Variants in CFAP47 observed in about 807,000 individuals in gnomAD.
The protein encoded by CFAP47 is cilia and flagella associated protein 47, also known as cilia- and flagella-associated protein 47.
CFAP47 carries 29 observed loss-of-function variants against 148.1 expected under a neutral mutation model. The ratio of observed to expected loss-of-function variants is 0.20; its 90% CI spans 0.15 to 0.27. The LOEUF is 0.27. CFAP47 is among the 10% of genes least tolerant of loss of function. CFAP47 has a pLI of 1.00. For synonymous variants in CFAP47, 664 were observed against 577.3 expected, an observed-to-expected ratio of 1.15 and a Z score of -2.15; for missense variants, 1,872 against 1,697.5, an observed-to-expected ratio of 1.10 and a Z score of -1.81.
intron 22 of CFAP47, among the ~76,000 whole-genome samples, chrX:36,016,321 C>G (rs1050545541): frequency 1.4e-4 from 15 of 110,619 alleles, no homozygotes; most frequent in Non-Finnish European, 1.9e-5. Context: ...CCTTCACAGC[C>G]TGTAGTAACC....
chrX:35,992,560 T>C (rs1936801944), intron 17 of CFAP47, among the ~76,000 whole-genome samples: 1 of 111,663 alleles, frequency 9.0e-6, no homozygotes. Context: ...ACTCTGCTTC[T>C]TTAGAATTAA....
intron 26 of CFAP47, among the ~76,000 whole-genome samples, chrX:36,063,817 C>T (rs922532302): frequency 5.4e-5 from 6 of 111,810 alleles, no homozygotes; most frequent in African/African-American, 2.0e-4. Flanking sequence ...GAATTGATCA[C>T]TCCAAATAAA....
chrX:36,306,186 G>A (rs949574115), intron 54 of CFAP47, among the ~76,000 whole-genome samples: 1 of 111,288 alleles, frequency 9.0e-6, no homozygotes, highest in African/African-American at 3.3e-5. Flanking sequence ...ATATACTCAA[G>A]CCCTTATTAT....
intron 28 of CFAP47, 41 bp from the exon 29 acceptor site, chrX:36,073,098 C>T (rs766272824): frequency 1.1e-5 from 11 of 973,621 alleles, no homozygotes; most frequent in East Asian, 3.1e-5. Flanking sequence ...TTTTACTCCT[C>T]GTCAAGTAGC....
At chrX:36,350,171 A>G in intron 59 of CFAP47, 39 bp downstream of exon 59, 8 of 856,904 alleles carry the variant, frequency 9.3e-6, no homozygotes, top group Non-Finnish European at 1.3e-5. Flanking sequence ...CAGAATTCTT[A>G]GAGACCTTAG....
At chrX:36,051,496 A>AC (rs1937520064) in intron 26 of CFAP47, among the ~76,000 whole-genome samples, 1 of 111,364 alleles carries the variant, frequency 9.0e-6, no homozygotes, top group African/African-American at 3.3e-5. Flanking sequence ...TGGATTTTGG[A>AC]CTTGCATGAG....
At chrX:35,940,889 A>G (rs145887321) in intron 2 of CFAP47, among the ~76,000 whole-genome samples, 1,623 of 111,622 alleles carry the variant, frequency 0.015, 34 homozygotes, top group African/African-American at 0.05. Context: ...AATTTTTTAG[A>G]AATACATATG....
Position 36,379,333 on chromosome X carries a change from T to G in CFAP47, c.9186-17T>G. 8.6e-7 allele frequency: 1 copy of G among 1,162,312 alleles called. No homozygotes were observed. The highest frequency in any genetic ancestry group is 1.2e-6 in the Non-Finnish European group (1 of 868,528). On this transcript the variant is annotated splice_polypyrimidine_tract_variant and intron_variant, in intron 62 of 63. Transcript: ENST00000378653. Reference sequence around the variant, plus strand: ...ATGACGAAATTTACTAAGTTGAATTTTGTACTTTTGTTCCAGAAATCCTGA... The same window carrying G: ...ATGACGAAATTTACTAAGTTGAATTGTGTACTTTTGTTCCAGAAATCCTGA...
At chrX:36,252,057 A>G (rs1369543082) in intron 49 of CFAP47, among the ~76,000 whole-genome samples, 9 of 111,128 alleles carry the variant, frequency 8.1e-5, no homozygotes, top group African/African-American at 2.0e-4. Flanking sequence ...TGATTCATCA[A>G]AGGAATAAGT....
At chrX:36,346,856 A>G (rs1281360011) in intron 57 of CFAP47, among the ~76,000 whole-genome samples, 4 of 111,882 alleles carry the variant, frequency 3.6e-5, no homozygotes, top group Non-Finnish European at 7.5e-5. Flanking sequence ...CCTGGGCAAT[A>G]CCATTCAGGA....
In CFAP47 at chrX:35,989,331, C is replaced by G; in HGVS notation, c.2726C>G (p.Ala909Gly). 1 of 1,203,158 alleles carries G rather than the reference C, an allele frequency of 8.3e-7. No individual in the cohort carries two copies. Among genetic ancestry groups the G allele is most frequent in the East Asian group, 3.0e-5 (1 of 33,767 alleles). Residue 909 changes from alanine to glycine, a missense_variant, in exon 16 of 64, where the codon GCA becomes GGA. Transcript: ENST00000378653. Reference protein sequence around the residue: ...SICPAKGTVEAYSSLECEVTW... With the variant: ...SICPAKGTVEGYSSLECEVTW... ...ACATTTTCCGTAGGCACTGTTGAAG[C>G]ATATTCCTCACTGGAATGTGAAGTA...
intron 54 of CFAP47, among the ~76,000 whole-genome samples, chrX:36,306,222 TCA>T (rs1556008788): frequency 9.0e-6 from 1 of 111,692 alleles, no homozygotes; most frequent in Non-Finnish European, 1.9e-5. Context: ...CTGGCTTCTT[TCA>T]CAGTCTCTAA....
chrX:36,211,608 G>T, intron 45 of CFAP47: 1 of 234,438 alleles, frequency 4.3e-6, no homozygotes, highest in South Asian at 5.1e-5. Flanking sequence ...TCAAGCTAAA[G>T]GAAAGCCTGA....
At chrX:36,168,985 GT>G (rs1939529830) in intron 39 of CFAP47, among the ~76,000 whole-genome samples, 1 of 111,271 alleles carries the variant, frequency 9.0e-6, no homozygotes, top group Admixed American at 9.6e-5. Context: ...TTGAAGGACA[GT>G]TTTTTTGTTT....
chrX:36,075,174 T>C (rs1050903902), intron 29 of CFAP47, among the ~76,000 whole-genome samples: 2 of 109,959 alleles, frequency 1.8e-5, no homozygotes, highest in Non-Finnish European at 3.8e-5. Context: ...TATTTTAATG[T>C]TTTAATTTTA....
chrX:36,010,672 A>G (rs1429954318), intron 21 of CFAP47, among the ~76,000 whole-genome samples: 1 of 110,879 alleles, frequency 9.0e-6, no homozygotes, highest in Non-Finnish European at 1.9e-5. Context: ...GTTAACCAGG[A>G]TGGTCTCGAT....
intron 61 of CFAP47, 35 bp from the exon 62 acceptor site, chrX:36,366,931 C>T (rs781888808): frequency 8.4e-5 from 83 of 987,388 alleles, no homozygotes; most frequent in African/African-American, 1.9e-4. Flanking sequence ...CTTGTTTTCA[C>T]GTAGTGTCAT....
chrX:36,211,838 G>A (rs1472640191), intron 45 of CFAP47, among the ~76,000 whole-genome samples: 2 of 111,445 alleles, frequency 1.8e-5, no homozygotes, highest in African/African-American at 3.3e-5. Context: ...ATGTAAGGCT[G>A]TGTAAGATTT....
intron 45 of CFAP47, among the ~76,000 whole-genome samples, chrX:36,212,972 G>A (rs1555989694): frequency 9.0e-6 from 1 of 110,803 alleles, no homozygotes; most frequent in Non-Finnish European, 1.9e-5. Flanking sequence ...AATTAGCTGG[G>A]CGTGGTGGCA....
Sources: allele counts gnomAD v4.1 joint callset (sites outside exome capture counted in the v4.1 genomes callset), GRCh38; gene constraint gnomAD v4.1.1; transcripts MANE v1.5; gene names NCBI Gene and HGNC (gene_info 2026-07-23, HGNC 2026-07-21).